The following CDH13 variants were observed in gnomAD, a reference collection of about 807,000 sequenced individuals.
CDH13 encodes cadherin 13, also known as cadherin-13.
Under a neutral mutation model 63.8 loss-of-function variants are expected in CDH13, and 24 were observed. The ratio of observed to expected loss-of-function variants is 0.38; its 90% CI spans 0.27 to 0.53. The LOEUF is 0.53. Ranked by LOEUF, CDH13 falls within the 20% of genes least tolerant of loss-of-function variation. The pLI is 0.85. For missense variants in CDH13, 1,049 were observed against 903.1 expected (o/e 1.16, Z -2.07); for synonymous variants, 503 against 355.3 (o/e 1.42, Z -4.67).
At chr16:83,442,406 A>C (rs2072504756) in intron 6 of CDH13, among the ~76,000 whole-genome samples, 1 of 152,174 alleles carries the variant, frequency 6.6e-6, no homozygotes, top group African/African-American at 2.4e-5. Flanking sequence ...ATTCAGCCAA[A>C]GACCCATCAT....
At chr16:83,462,812 C>G (rs1373587651) in intron 6 of CDH13, among the ~76,000 whole-genome samples, 1 of 152,032 alleles carries the variant, frequency 6.6e-6, no homozygotes, top group Non-Finnish European at 1.5e-5. Context: ...AATGCCCAAC[C>G]CTGAAACATC....
chr16:83,600,776 T>C (rs544905691), intron 7 of CDH13, among the ~76,000 whole-genome samples: 4 of 152,292 alleles, frequency 2.6e-5, no homozygotes, highest in Admixed American at 1.3e-4. Flanking sequence ...ATAAGGGAAA[T>C]TATTGCCTTC....
intron 6 of CDH13, among the ~76,000 whole-genome samples, chr16:83,370,260 C>A (rs996658948): frequency 6.6e-6 from 1 of 151,750 alleles, no homozygotes; most frequent in African/African-American, 2.4e-5. Context: ...CGGTGGCGGG[C>A]GGCTATAGTC....
chr16:82,775,353 G>C (rs1421563511), intron 1 of CDH13, among the ~76,000 whole-genome samples: 1 of 152,164 alleles, frequency 6.6e-6, no homozygotes. Flanking sequence ...ATCAAGTCCA[G>C]TTATATTACT....
chr16:83,704,847 G>A (rs1906770776), intron 10 of CDH13, among the ~76,000 whole-genome samples: 1 of 152,206 alleles, frequency 6.6e-6, no homozygotes, highest in Admixed American at 6.5e-5. Context: ...TTCAGCATGA[G>A]TGAAATCACA....
intron 2 of CDH13, among the ~76,000 whole-genome samples, chr16:82,922,563 T>A (rs749080517): frequency 6.6e-6 from 1 of 152,178 alleles, no homozygotes; most frequent in East Asian, 1.9e-4. Flanking sequence ...ATTAAGGTAA[T>A]GTATGCTGCT....
intron 5 of CDH13, among the ~76,000 whole-genome samples, chr16:83,245,373 T>G (rs1414678931): frequency 3.9e-5 from 6 of 152,188 alleles, no homozygotes; most frequent in East Asian, 3.9e-4. Flanking sequence ...GTTTAAAAAT[T>G]TATGAATTAT....
intron 1 of CDH13, among the ~76,000 whole-genome samples, chr16:82,808,388 C>T (rs1336925475): frequency 6.6e-6 from 1 of 152,064 alleles, no homozygotes; most frequent in Non-Finnish European, 1.5e-5. Flanking sequence ...TTTGTGGAGA[C>T]ACTTAGTCAA....
intron 1 of CDH13, among the ~76,000 whole-genome samples, chr16:82,664,769 C>T (rs1292390054): frequency 1.3e-5 from 2 of 152,150 alleles, no homozygotes; most frequent in African/African-American, 2.4e-5. Context: ...TACCCAGTGG[C>T]AGTTTTTGAT....
intron 2 of CDH13, among the ~76,000 whole-genome samples, chr16:82,925,522 C>A (rs1236516535): frequency 6.6e-6 from 1 of 152,364 alleles, no homozygotes; most frequent in African/African-American, 2.4e-5. Context: ...ACAGGTCATG[C>A]ACTAGCTGCA....
intron 5 of CDH13, among the ~76,000 whole-genome samples, chr16:83,285,638 T>C (rs2089291959): frequency 6.6e-6 from 1 of 152,136 alleles, no homozygotes; most frequent in Non-Finnish European, 1.5e-5. Context: ...ATACAGTGGA[T>C]GTTGGAAGGG....
At chr16:82,899,868 C>T (rs1370279278) in intron 2 of CDH13, among the ~76,000 whole-genome samples, 2 of 152,106 alleles carry the variant, frequency 1.3e-5, no homozygotes, top group African/African-American at 2.4e-5. Flanking sequence ...CCATAATAGG[C>T]CCATGATTTC....
intron 1 of CDH13, among the ~76,000 whole-genome samples, chr16:82,634,889 C>T (rs1908462853): frequency 1.3e-5 from 2 of 152,214 alleles, no homozygotes; most frequent in South Asian, 4.1e-4. Flanking sequence ...TCTATGATCT[C>T]TATGGAGGAT....
chr16:83,323,229 T>C (rs1166856314), intron 5 of CDH13, among the ~76,000 whole-genome samples: 2 of 149,184 alleles, frequency 1.3e-5, no homozygotes, highest in African/African-American at 5.0e-5. Flanking sequence ...TTTCTTTCTT[T>C]CTTTCTTTCT....
chr16:83,480,050 C>T (rs754361186), intron 6 of CDH13, among the ~76,000 whole-genome samples: 2 of 152,254 alleles, frequency 1.3e-5, no homozygotes, highest in South Asian at 4.2e-4. Context: ...TGAGGTGGGG[C>T]GTGATGGCTC....
At chr16:83,045,682 GA>G (rs922278241) in intron 3 of CDH13, among the ~76,000 whole-genome samples, 3 of 144,620 alleles carry the variant, frequency 2.1e-5, no homozygotes, top group Admixed American at 1.4e-4. Context: ...TTTCTCAAGG[GA>G]AAAAAACATC....
chr16:83,334,543 A>T (rs1485429273), intron 5 of CDH13, among the ~76,000 whole-genome samples: 2 of 50,942 alleles, frequency 3.9e-5, no homozygotes, highest in African/African-American at 5.8e-5. Context: ...GGCTAGTTTA[A>T]AAAAAAAAAA....
intron 1 of CDH13, among the ~76,000 whole-genome samples, chr16:82,680,543 A>G (rs1395778450): frequency 6.6e-6 from 1 of 152,130 alleles, no homozygotes; most frequent in Non-Finnish European, 1.5e-5. Context: ...AAAGTTATGA[A>G]TATATATACT....
chr16:82,865,731 A>G lies in CDH13; in HGVS notation c.157+7258A>G, dbSNP rs1359624926. ...ACCCACCAGCCCTGTTACACCATTG[A>G]CTTGGCGATTAACATTTGGCTCCTT... On this transcript the variant is annotated intron_variant, in intron 2 of 13. Coordinates refer to ENST00000567109, the MANE Select transcript of CDH13 (RefSeq NM_001257.5). 2.6e-5 allele frequency among the ~76,000 whole-genome samples: 4 copies of G among 152,150 alleles called. No homozygotes were observed. The East Asian group carries it at 7.7e-4, about 29-fold the overall frequency.
Sources: allele counts gnomAD v4.1 joint callset (sites outside exome capture counted in the v4.1 genomes callset), GRCh38; gene constraint gnomAD v4.1.1; transcripts MANE v1.5; gene names NCBI Gene and HGNC (gene_info 2026-07-23, HGNC 2026-07-21).